The following KMT2C variants were observed in gnomAD, a reference collection of about 807,000 sequenced individuals.
KMT2C encodes the protein histone-lysine N-methyltransferase 2C.
Under a neutral mutation model 507.9 loss-of-function variants are expected in KMT2C, and 88 were observed. The ratio of observed to expected loss-of-function variants is 0.17; its 90% CI spans 0.15 to 0.21. KMT2C has a LOEUF of 0.21. Ranked by LOEUF, KMT2C falls within the 10% of genes least tolerant of loss-of-function variation. KMT2C has a pLI of 1.00. For synonymous variants in KMT2C, 2,049 were observed against 2,080.8 expected, an observed-to-expected ratio of 0.98 and a Z score of 0.42; for missense variants, 4,954 against 5,957.8, an observed-to-expected ratio of 0.83 and a Z score of 5.55.
Position 152,152,876 on chromosome 7 carries a change from G to T in KMT2C, c.12355C>A (p.Pro4119Thr), listed in dbSNP as rs2129097664. 1 of 1,614,172 alleles carries T rather than the reference G, an allele frequency of 6.2e-7. No homozygotes were observed. Among genetic ancestry groups the T allele is most frequent in the Non-Finnish European group, 8.5e-7 (1 of 1,180,024 alleles). ...IPNSYEVSSAPDVPSMGLVSS... is the reference protein window; with the variant it reads ...IPNSYEVSSATDVPSMGLVSS... ...ACCAAACCCATGGATGGGACATCTG[G>T]AGCACTGCTAACCTCATAGCTGTTA... The change falls in exon 49 of 59, where the codon CCA (proline) becomes ACA (threonine). Residue 4119 changes from proline to threonine, a missense_variant. This residue lies in a region of KMT2C where 417 missense variants were observed against 461.1 expected (regional missense o/e 0.90). Transcript: ENST00000262189.
chr7:152,236,728 G>A (rs555858961), intron 15 of KMT2C, among the ~76,000 whole-genome samples: 1 of 152,072 alleles, frequency 6.6e-6, no homozygotes, highest in South Asian at 2.1e-4. Flanking sequence ...AACTTGCTCC[G>A]TCACTCAGGT....
chr7:152,344,391 G>A, intron 2 of KMT2C, among the ~76,000 whole-genome samples: 1 of 152,178 alleles, frequency 6.6e-6, no homozygotes, highest in South Asian at 2.1e-4. Flanking sequence ...CACATCTCAG[G>A]CTGAAAAGCA....
At position 152,224,451 on chromosome 7, in the gene KMT2C, C is replaced by T; in HGVS notation, c.3142G>A (p.Gly1048Ser). 3 of 1,611,166 alleles carry T rather than the reference C, an allele frequency of 1.9e-6. No individual in the cohort carries two copies. The highest frequency in any genetic ancestry group is 2.5e-6 in the Non-Finnish European group (3 of 1,179,198). ...CTAGAGTACCATTTGCACTTCCAGC[C>T]TCCTTTGGGAACTGTCTGCAATGGA... ...DPPLQTVPKG[G>S]WKCKWCVWCR... Residue 1048 changes from glycine (G) to serine (S), a missense_variant, in exon 19 of 59, where the codon GGC (glycine) becomes AGC (serine). Around this residue, in one of 29 missense-constraint regions of KMT2C, gnomAD observed 52 missense variants for 162.4 expected, o/e 0.32. Transcript: ENST00000262189.
chr7:152,311,406 T>A (rs2096670335), intron 5 of KMT2C, among the ~76,000 whole-genome samples: 1 of 152,186 alleles, frequency 6.6e-6, no homozygotes, highest in South Asian at 2.1e-4. Flanking sequence ...AATACTGTTA[T>A]AATAAGATAA....
chr7:152,330,440 C>T (rs2096872368), intron 3 of KMT2C, among the ~76,000 whole-genome samples, 161 bp downstream of exon 3: 1 of 152,086 alleles, frequency 6.6e-6, no homozygotes, highest in Non-Finnish European at 1.5e-5. Context: ...GTAACTCATC[C>T]CAACTAAACA....
At chr7:152,176,095 T>C in intron 38 of KMT2C, 96 bp downstream of exon 38, 2 of 1,246,044 alleles carry the variant, frequency 1.6e-6, no homozygotes, top group Admixed American at 2.3e-5. Flanking sequence ...CAGTGCTTTA[T>C]TCCAACTGTA....
chr7:152,332,381 T>C (rs1259448982), intron 2 of KMT2C, among the ~76,000 whole-genome samples: 1 of 152,198 alleles, frequency 6.6e-6, no homozygotes, highest in Non-Finnish European at 1.5e-5. Context: ...TGAAATTTAT[T>C]TAGACCTTTC....
At chr7:152,336,907 G>A (rs2096940554) in intron 2 of KMT2C, among the ~76,000 whole-genome samples, 1 of 152,118 alleles carries the variant, frequency 6.6e-6, no homozygotes, top group African/African-American at 2.4e-5. Context: ...CTGGGATAAG[G>A]ACAGGCAAGG....
At chr7:152,250,731 C>T (rs2095550024) in intron 12 of KMT2C, 122 bp downstream of exon 12, 1 of 582,568 alleles carries the variant, frequency 1.7e-6, no homozygotes, top group African/African-American at 1.9e-5. Flanking sequence ...GATTATTTTA[C>T]TAAAAAACTC....
intron 13 of KMT2C, 97 bp downstream of exon 13, chr7:152,249,779 G>A (rs566854083): frequency 1.1e-4 from 45 of 414,282 alleles, no homozygotes; most frequent in East Asian, 7.1e-4. Context: ...TTTAGTTACC[G>A]TAATGTATAT....
chr7:152,431,852 T>C (rs1438519153), intron 1 of KMT2C, among the ~76,000 whole-genome samples: 4 of 152,206 alleles, frequency 2.6e-5, no homozygotes, highest in Admixed American at 2.6e-4. Context: ...TCAAAAAGCA[T>C]GAATAATAGT....
At chr7:152,204,971 T>G in intron 25 of KMT2C, 135 bp downstream of exon 25, 1 of 575,848 alleles carries the variant, frequency 1.7e-6, no homozygotes, top group Non-Finnish European at 3.1e-6. Flanking sequence ...GCAATAAGAC[T>G]CTTATTGAGT....
Position 152,222,097 on chromosome 7 carries a change from C to A in KMT2C, c.3434-31G>T, listed in dbSNP as rs1225467961. 5.3e-6 allele frequency: 8 copies of A among 1,506,486 alleles called. No individual in the cohort carries two copies. The South Asian group carries it at 1.0e-4, about 19-fold the overall frequency. The allele number at this position is 1,506,486 out of a possible 1,614,324, so 93.3% of individuals were successfully genotyped here. The stretch of plus-strand genomic sequence containing the variant: ...ACGAAAAAAAAAAATCCAGGTAATT[C>A]TTTTCAGAAAAGGTAAAGTGTATTT... On this transcript the variant is annotated intron_variant, in intron 21 of 58. Transcript: ENST00000262189.
chr7:152,220,587 G>C lies in KMT2C; in HGVS notation c.3648C>G (p.Val1216=), dbSNP rs140917164. The change falls in exon 23 of 59, where the codon GTC becomes GTG. Residue 1216 remains valine (V), a synonymous_variant. Transcript: ENST00000262189. ...ATTGGATGTCTGGAGGGGTCTGAAG[G>C]ACGGCCACGCTATTCTGATTTATAA... ...LKIINQNSVA[V]LQTPPDIQSE... 9.3e-6 allele frequency: 15 copies of C among 1,611,890 alleles called. No homozygotes were observed. In the African/African-American group the frequency reaches 1.1e-4, roughly 11 times the overall value.
intron 1 of KMT2C, among the ~76,000 whole-genome samples, chr7:152,433,568 A>G (rs1376384984): frequency 1.3e-5 from 2 of 152,268 alleles, no homozygotes; most frequent in African/African-American, 4.8e-5. Flanking sequence ...AGTAGACTTT[A>G]ATTTCCTATA....
intron 3 of KMT2C, among the ~76,000 whole-genome samples, chr7:152,318,020 C>A (rs1342697348): frequency 2.0e-5 from 3 of 152,026 alleles, no homozygotes; most frequent in African/African-American, 7.2e-5. Flanking sequence ...CGCCCGTAAT[C>A]CAAGCTACTC....
intron 1 of KMT2C, among the ~76,000 whole-genome samples, chr7:152,360,448 A>T (rs1484685587): frequency 6.6e-6 from 1 of 152,076 alleles, no homozygotes; most frequent in Non-Finnish European, 1.5e-5. Context: ...ATTGCACTCC[A>T]GCCTGGGCAA....
At chr7:152,185,803 G>T (rs1020290096) in intron 33 of KMT2C, among the ~76,000 whole-genome samples, 172 bp from the exon 34 acceptor site, 9 of 152,208 alleles carry the variant, frequency 5.9e-5, no homozygotes, top group Non-Finnish European at 1.3e-4. Context: ...CACACTGTAG[G>T]CCAAACAAAC....
chr7:152,402,003 G>A (rs529274029), intron 1 of KMT2C, among the ~76,000 whole-genome samples: 9 of 152,312 alleles, frequency 5.9e-5, no homozygotes, highest in East Asian at 1.9e-4. Context: ...CTAGCTACTC[G>A]GGAGGCTGAG....
Sources: gnomAD v4.1 joint callset for allele counts (sites outside exome capture counted in the v4.1 genomes callset) on GRCh38, gnomAD v4.1.1 for gene constraint, gnomAD v4.1.1 regional missense constraint, MANE v1.5 for transcripts, NCBI Gene and HGNC (gene_info 2026-07-23, HGNC 2026-07-21) for gene names.